Variants in TSHZ2 observed in about 807,000 individuals in gnomAD.
TSHZ2 encodes teashirt homolog 2.
Under a neutral mutation model 74.4 loss-of-function variants are expected in TSHZ2, and 21 were observed. The observed-to-expected ratio is 0.28, with a 90% CI of 0.20 to 0.41. The LOEUF is 0.41. TSHZ2 is among the 10% of genes least tolerant of loss of function. The pLI, the probability that TSHZ2 is intolerant of heterozygous loss-of-function variation, is 1.00. For synonymous variants in TSHZ2, 540 were observed against 515.3 expected, an observed-to-expected ratio of 1.05 and a Z score of -0.65; for missense variants, 1,244 against 1,293.5, an observed-to-expected ratio of 0.96 and a Z score of 0.59.
At chr20:53,444,445 A>T (rs958490023) in intron 2 of TSHZ2, among the ~76,000 whole-genome samples, 1 of 152,126 alleles carries the variant, frequency 6.6e-6, no homozygotes, top group Non-Finnish European at 1.5e-5. Context: ...AGAAAAGGAG[A>T]GAGTGAGTCC....
At chr20:53,456,522 A>G (rs1174513565) in intron 2 of TSHZ2, among the ~76,000 whole-genome samples, 1 of 116,456 alleles carries the variant, frequency 8.6e-6, no homozygotes, top group African/African-American at 3.7e-5. Flanking sequence ...GTTCACTCTG[A>G]TGGTAGTTTC....
intron 2 of TSHZ2, among the ~76,000 whole-genome samples, chr20:53,287,627 A>G (rs1991194461): frequency 6.6e-6 from 1 of 152,218 alleles, no homozygotes; most frequent in East Asian, 1.9e-4. Flanking sequence ...GTAAACTTGC[A>G]TGGAGACTGA....
At chr20:53,075,160 A>T (rs1420202766) in intron 1 of TSHZ2, among the ~76,000 whole-genome samples, 5 of 152,210 alleles carry the variant, frequency 3.3e-5, no homozygotes, top group Admixed American at 6.5e-5. Flanking sequence ...TGCTTGGCCT[A>T]AAGGGCCCTG....
At chr20:53,128,967 C>A (rs761388841) in intron 1 of TSHZ2, among the ~76,000 whole-genome samples, 62 of 152,080 alleles carry the variant, frequency 4.1e-4, no homozygotes, top group Non-Finnish European at 7.3e-4. Flanking sequence ...AAATTCATAA[C>A]CCCCTCTGTT....
At chr20:53,436,435 G>A (rs529252334) in intron 2 of TSHZ2, among the ~76,000 whole-genome samples, 12 of 152,120 alleles carry the variant, frequency 7.9e-5, no homozygotes, top group African/African-American at 1.9e-4. Context: ...AGTGCCCTGC[G>A]GTGTGTCTGT....
intron 1 of TSHZ2, among the ~76,000 whole-genome samples, chr20:53,002,077 T>A (rs767062913): frequency 6.6e-6 from 1 of 152,218 alleles, no homozygotes; most frequent in African/African-American, 2.4e-5. Context: ...CATCACTTCA[T>A]TGTAGTACAA....
intron 2 of TSHZ2, among the ~76,000 whole-genome samples, chr20:53,268,135 A>T (rs1012784523): frequency 3.3e-5 from 5 of 152,170 alleles, no homozygotes; most frequent in Admixed American, 2.6e-4. Flanking sequence ...AGAATTGCAT[A>T]AAAAAGGCAG....
At chr20:53,408,014 T>C (rs1178354925) in intron 2 of TSHZ2, among the ~76,000 whole-genome samples, 2 of 152,186 alleles carry the variant, frequency 1.3e-5, no homozygotes, top group Non-Finnish European at 2.9e-5. Context: ...TGGGTCACAG[T>C]TTGCCACCCT....
At chr20:53,261,234 AC>A (rs1990594590) in intron 2 of TSHZ2, among the ~76,000 whole-genome samples, 2 of 152,204 alleles carry the variant, frequency 1.3e-5, no homozygotes, top group African/African-American at 4.8e-5. Flanking sequence ...AGGAGAAAGG[AC>A]ACTTTCCTGG....
chr20:53,265,564 T>C (rs1288013604), intron 2 of TSHZ2, among the ~76,000 whole-genome samples: 4 of 152,160 alleles, frequency 2.6e-5, no homozygotes, highest in Admixed American at 2.0e-4. Context: ...ACTTTCTTTT[T>C]CTGTTGTATA....
intron 2 of TSHZ2, among the ~76,000 whole-genome samples, chr20:53,284,522 T>G (rs942377235): frequency 2.0e-5 from 3 of 152,352 alleles, no homozygotes; most frequent in African/African-American, 7.2e-5. Context: ...CCGATGTTGA[T>G]GCACATTAAT....
chr20:53,149,179 G>GT (rs1231054828), intron 1 of TSHZ2, among the ~76,000 whole-genome samples: 3,059 of 140,036 alleles, frequency 0.022, 41 homozygotes, highest in Non-Finnish European at 0.03. Context: ...CTCTTTTAGG[G>GT]TTTTTTTTTT....
chr20:53,173,160 C>G (rs906383441), intron 1 of TSHZ2, among the ~76,000 whole-genome samples: 2 of 152,056 alleles, frequency 1.3e-5, no homozygotes, highest in Non-Finnish European at 2.9e-5. Context: ...TAGCTGAGAA[C>G]AGGAGTAAAT....
At chr20:53,455,040 T>C (rs1004697227) in intron 2 of TSHZ2, among the ~76,000 whole-genome samples, 1 of 152,144 alleles carries the variant, frequency 6.6e-6, no homozygotes, top group African/African-American at 2.4e-5. Flanking sequence ...CCCTTATTTC[T>C]TGTCAGTTGG....
intron 1 of TSHZ2, among the ~76,000 whole-genome samples, chr20:53,120,255 A>G (rs1018759112): frequency 6.6e-6 from 1 of 152,164 alleles, no homozygotes; most frequent in Non-Finnish European, 1.5e-5. Flanking sequence ...TTTTCAAGCA[A>G]TTTTTTCACC....
Position 53,253,843 on chromosome 20 carries a change from T to C in TSHZ2, c.385T>C (p.Tyr129His), listed in dbSNP as rs1990391219. The C allele has an allele frequency of 1.2e-6, 2 of 1,614,224 alleles. No homozygotes were observed. Among genetic ancestry groups the C allele is most frequent in the Non-Finnish European group, 1.7e-6 (2 of 1,180,038 alleles). Residue 129 changes from tyrosine to histidine, a missense_variant, in exon 2 of 3, where the codon TAC becomes CAC. Transcript: ENST00000371497. ...HNCMDKMTAV[Y>H]ANILSDSYWS... is the part of the protein sequence containing the mutation. The stretch of plus-strand genomic sequence containing the variant: ...TTGCATGGATAAAATGACCGCTGTC[T>C]ACGCCAACATCCTGTCGGATTCCTA...
intron 1 of TSHZ2, among the ~76,000 whole-genome samples, chr20:53,213,293 G>T (rs1447638548): frequency 6.6e-6 from 1 of 152,094 alleles, no homozygotes; most frequent in Non-Finnish European, 1.5e-5. Context: ...ATGCAAAATT[G>T]TACCTTTTGG....
At chr20:53,455,428 G>T (rs1985021025) in intron 2 of TSHZ2, 1 of 152,128 alleles carries the variant, frequency 6.6e-6, no homozygotes, top group African/African-American at 2.4e-5. Flanking sequence ...TTTACTGAAG[G>T]AATCTATGTT....
chr20:53,207,901 T>C (rs1025338631), intron 1 of TSHZ2, among the ~76,000 whole-genome samples: 63 of 148,026 alleles, frequency 4.3e-4, no homozygotes, highest in Admixed American at 2.9e-3. Context: ...GGTCTTCCTA[T>C]GTTGTCCAGG....
Sources: allele counts gnomAD v4.1 joint callset (sites outside exome capture counted in the v4.1 genomes callset), GRCh38; gene constraint gnomAD v4.1.1; transcripts MANE v1.5; gene names NCBI Gene and HGNC (gene_info 2026-07-23, HGNC 2026-07-21).